NBEA: variants seen among roughly 807,000 people sequenced by gnomAD.
NBEA encodes neurobeachin, also known as lysosomal-trafficking regulator 2.
Under a neutral mutation model 343.4 loss-of-function variants are expected in NBEA, and 44 were observed. The observed-to-expected ratio is 0.13, with a 90% CI of 0.10 to 0.16. The LOEUF is 0.16. Among genes scored for constraint, NBEA ranks in the 10% least tolerant of loss-of-function variants. The pLI is 1.00. For synonymous variants in NBEA, 1,175 were observed against 1,238.7 expected (o/e 0.95, Z 1.08); for missense variants, 2,555 against 3,631.3 (o/e 0.70, Z 7.62).
At position 35,432,318 on chromosome 13, in the gene NBEA, C is replaced by T; in HGVS notation, c.6229C>T (p.Arg2077Ter). 6.2e-7 allele frequency: 1 copy of T among 1,607,342 alleles called. No homozygotes were observed. The highest frequency in any genetic ancestry group is 8.5e-7 in the Non-Finnish European group (1 of 1,176,516). The stretch of plus-strand genomic sequence containing the variant: ...GGATTACTGGGAAGATGATCTTCGT[C>T]GAAGGAGACGATTTGTTCGCAATGC... ...RLDYWEDDLR[R>*]RRRFVRNAFG... Residue 2077 changes from arginine to a stop codon, truncating the protein, a stop_gained, in exon 39 of 59, where the codon CGA becomes TGA. Transcript: ENST00000379939. LOFTEE classifies it high-confidence loss of function.
chr13:35,557,522 C>G (rs1428833196), intron 44 of NBEA, among the ~76,000 whole-genome samples: 2 of 152,038 alleles, frequency 1.3e-5, no homozygotes, highest in Non-Finnish European at 2.9e-5. Flanking sequence ...AAGCATCTTG[C>G]TATTATTGTT....
chr13:35,475,545 G>C, intron 41 of NBEA: 2 of 1,613,256 alleles, frequency 1.2e-6, no homozygotes, highest in Non-Finnish European at 1.7e-6. Flanking sequence ...CCGCCACCCG[G>C]TTGGGTCCCG....
rs1471086558 is a variant in NBEA, at chr13:35,085,465, A to G, written c.1572-12832A>G. On this transcript the variant is annotated intron_variant, in intron 10 of 58. Coordinates refer to ENST00000379939, the MANE Select transcript of NBEA (RefSeq NM_001385012.1). Reference sequence around the variant, plus strand: ...AATAAATGTAATCCAGCATATGAACAGAACCAATGACAAAAACCGCATGAT... The same window carrying G: ...AATAAATGTAATCCAGCATATGAACGGAACCAATGACAAAAACCGCATGAT... Among the ~76,000 whole-genome samples the G allele has an allele frequency of 2.6e-5, 4 of 152,210 alleles. No individual in the cohort carries two copies. The East Asian group carries it at 7.7e-4, about 29-fold the overall frequency.
chr13:35,131,174 G>A (rs372390653), intron 17 of NBEA, among the ~76,000 whole-genome samples: 18 of 151,984 alleles, frequency 1.2e-4, no homozygotes, highest in African/African-American at 1.9e-4. Context: ...CCAAAAAGCC[G>A]TATTATTCAC....
rs2073567807 is a variant in NBEA, at chr13:35,208,734, G to A, written c.5401G>A (p.Gly1801Ser). Residue 1801 changes from glycine (G) to serine (S), a missense_variant, in exon 32 of 59, where the codon GGT (glycine) becomes AGT (serine). Transcript: ENST00000379939. ...GGTGCCTGTAAAGAAACCACCTCCA[G>A]GTAGTTTAGCTGTAACCACTGTGGG... The part of the protein sequence containing the change: ...VVVPVKKPPP[G>S]SLAVTTVGAT... 1 of 1,609,156 alleles carries A rather than the reference G, an allele frequency of 6.2e-7. No homozygotes were observed. Among genetic ancestry groups the A allele is most frequent in the Non-Finnish European group, 8.5e-7 (1 of 1,176,928 alleles).
At chr13:35,276,097 T>G (rs1288158827) in intron 34 of NBEA, among the ~76,000 whole-genome samples, 4 of 152,180 alleles carry the variant, frequency 2.6e-5, no homozygotes, top group Non-Finnish European at 5.9e-5. Context: ...TTTTAGTCAG[T>G]ATAAGATGAC....
intron 36 of NBEA, among the ~76,000 whole-genome samples, chr13:35,311,234 C>A (rs1340597226): frequency 6.6e-6 from 1 of 151,898 alleles, no homozygotes; most frequent in African/African-American, 2.4e-5. Context: ...AAACTATTTG[C>A]TAAGGCTAAT....
rs374413939 is a variant in NBEA at position 35,540,115 on chromosome 13, A to G, written c.6586-10362A>G. Among the ~76,000 whole-genome samples, 10 of 152,062 alleles carry G rather than the reference A, an allele frequency of 6.6e-5. No homozygotes were observed. The East Asian group carries it at 9.7e-4, about 15-fold the overall frequency. ...GCTGTATCTAAAATTTTAATATGAAATACTTTTAAAAAGAGAAAATAATTT... is the reference window on the plus strand; with the variant it reads ...GCTGTATCTAAAATTTTAATATGAAGTACTTTTAAAAAGAGAAAATAATTT... On this transcript the variant is annotated intron_variant, in intron 41 of 58. Transcript: ENST00000379939.
intron 41 of NBEA, among the ~76,000 whole-genome samples, chr13:35,479,272 G>T (rs79735954): frequency 6.6e-6 from 1 of 152,166 alleles, no homozygotes; most frequent in Non-Finnish European, 1.5e-5. Context: ...ACCGGTCCGC[G>T]ATTATCACTG....
At chr13:35,314,712 C>T (rs2037603028) in intron 36 of NBEA, among the ~76,000 whole-genome samples, 1 of 152,112 alleles carries the variant, frequency 6.6e-6, no homozygotes, top group Admixed American at 6.6e-5. Flanking sequence ...TACTGTAGCA[C>T]CTTTCTTGCT....
rs950926686 is a variant in NBEA at position 35,370,843 on chromosome 13, G to A, written c.6179+18520G>A. Among the ~76,000 whole-genome samples, 10 of 152,004 alleles carry A rather than the reference G, an allele frequency of 6.6e-5. No homozygotes were observed. The East Asian group carries it at 1.9e-3, about 29-fold the overall frequency. ...AATTTCCTCAGCTTTTGCTTGTCTG[G>A]GAAAGACTTTATTTCTCCTCCATTT... On this transcript the variant is annotated intron_variant, in intron 38 of 58. Coordinates refer to ENST00000379939, the MANE Select transcript of NBEA (RefSeq NM_001385012.1).
intron 49 of NBEA, among the ~76,000 whole-genome samples, chr13:35,629,053 C>T (rs2083345286): frequency 6.6e-6 from 1 of 152,130 alleles, no homozygotes; most frequent in Non-Finnish European, 1.5e-5. Flanking sequence ...TTATAGCTAA[C>T]AGTTGGGAAT....
intron 40 of NBEA, among the ~76,000 whole-genome samples, chr13:35,465,741 G>A (rs894409720): frequency 2.0e-5 from 3 of 151,550 alleles, no homozygotes; most frequent in South Asian, 2.1e-4. Flanking sequence ...AAATAACTCC[G>A]TGCTATTTTA....
intron 38 of NBEA, among the ~76,000 whole-genome samples, chr13:35,375,210 A>G (rs1321179062): frequency 3.9e-5 from 6 of 152,078 alleles, no homozygotes; most frequent in Non-Finnish European, 1.5e-5. Context: ...TTTCGTGTTT[A>G]TTTGCTCAAT....
intron 30 of NBEA, among the ~76,000 whole-genome samples, chr13:35,187,590 A>T (rs867728502): frequency 8.6e-5 from 13 of 151,924 alleles, no homozygotes; most frequent in African/African-American, 1.9e-4. Context: ...TGGCAAAACT[A>T]TTCTAATTCT....
At chr13:35,501,471 T>C (rs2076886118) in intron 41 of NBEA, among the ~76,000 whole-genome samples, 2 of 152,086 alleles carry the variant, frequency 1.3e-5, no homozygotes, top group African/African-American at 4.8e-5. Flanking sequence ...AAAATGTAAA[T>C]GTCTTCTTGT....
chr13:35,184,691 T>A (rs138150471), intron 30 of NBEA, among the ~76,000 whole-genome samples: 2 of 151,996 alleles, frequency 1.3e-5, no homozygotes, highest in African/African-American at 4.8e-5. Flanking sequence ...ATATTCAAGA[T>A]GTTTTTCAAT....
intron 38 of NBEA, among the ~76,000 whole-genome samples, chr13:35,370,771 A>G (rs2041384450): frequency 6.6e-6 from 1 of 152,106 alleles, no homozygotes; most frequent in Admixed American, 6.6e-5. Flanking sequence ...GCTTCCAAGT[A>G]TAGGACTCCC....
At chr13:35,091,510 C>G (rs758144491) in intron 10 of NBEA, among the ~76,000 whole-genome samples, 10 of 151,982 alleles carry the variant, frequency 6.6e-5, no homozygotes, top group Non-Finnish European at 1.5e-4. Flanking sequence ...TATCTGTTTT[C>G]ACAGATGACA....
Sources: allele counts gnomAD v4.1 joint callset (sites outside exome capture counted in the v4.1 genomes callset), GRCh38; gene constraint gnomAD v4.1.1; transcripts MANE v1.5; gene names NCBI Gene and HGNC (gene_info 2026-07-23, HGNC 2026-07-21).